CFAP54: variants seen among roughly 807,000 people sequenced by gnomAD.
CFAP54 encodes the protein cilia and flagella associated protein 54, also known as cilia- and flagella-associated protein 54.
A neutral mutation model predicts 370.4 loss-of-function variants in CFAP54; 290 were observed. That is an observed-to-expected ratio of 0.78 (90% CI 0.71 to 0.86). The LOEUF (loss-of-function observed/expected upper bound fraction) is 0.86. CFAP54 is among the 40% of genes least tolerant of loss of function. The pLI is 0.00. For synonymous variants in CFAP54, 1,206 were observed against 1,236.5 expected (o/e 0.98, Z 0.52); for missense variants, 3,399 against 3,528.7 (o/e 0.96, Z 0.93).
At chr12:96,769,412 G>C (rs1958434310) in intron 60 of CFAP54, among the ~76,000 whole-genome samples, 1 of 152,200 alleles carries the variant, frequency 6.6e-6, no homozygotes, top group Non-Finnish European at 1.5e-5. Flanking sequence ...CCCATGCTGA[G>C]GTCGGAGGGG....
At position 96,657,908 on chromosome 12, in the gene CFAP54, T is replaced by G. The variant is rs781023350; in HGVS notation, c.5127T>G (p.Ser1709Arg). 6.2e-7 allele frequency: 1 copy of G among 1,612,582 alleles called. No individual in the cohort carries two copies. Among genetic ancestry groups the G allele is most frequent in the South Asian group, 1.1e-5 (1 of 90,706 alleles). The change falls in exon 37 of 68, where the codon AGT becomes AGG. Residue 1709 changes from serine (S) to arginine (R), a missense_variant. This residue lies in a region of CFAP54 where 2,796 missense variants were observed against 2,869.7 expected (regional missense o/e 0.97). Transcript: ENST00000524981. ...CTATTGAAGACAAAGGAGAATTCAG[T>G]GTTCCAAGCTGTTATGGGAATATTA... is the stretch of plus-strand genomic sequence containing the variant. ...IKPIEDKGEF[S>R]VPSCYGNIKN...
chr12:96,554,436 C>G, intron 16 of CFAP54, 126 bp downstream of exon 16: 4 of 1,232,234 alleles, frequency 3.2e-6, no homozygotes, highest in Non-Finnish European at 4.3e-6. Flanking sequence ...AAATATATTT[C>G]CCTCTTCCCA....
At chr12:96,565,560 G>T (rs547319637) in intron 19 of CFAP54, among the ~76,000 whole-genome samples, 1 of 152,228 alleles carries the variant, frequency 6.6e-6, no homozygotes, top group Admixed American at 6.5e-5. Context: ...GGGGTTTAAT[G>T]AGAAAATTTA....
intron 54 of CFAP54, 28 bp from the exon 55 acceptor site, chr12:96,743,992 C>T (rs1958082938): frequency 1.2e-6 from 2 of 1,604,488 alleles, no homozygotes; most frequent in South Asian, 2.3e-5. Flanking sequence ...CAACTAATTG[C>T]TCATTACAAT....
chr12:96,751,269 G>C (rs1023246399), intron 55 of CFAP54, among the ~76,000 whole-genome samples: 2 of 152,266 alleles, frequency 1.3e-5, no homozygotes, highest in African/African-American at 4.8e-5. Flanking sequence ...GTGCTGGGAA[G>C]TGGGGACATA....
At chr12:96,586,439 T>G (rs1956076701) in intron 22 of CFAP54, among the ~76,000 whole-genome samples, 1 of 151,842 alleles carries the variant, frequency 6.6e-6, no homozygotes. Context: ...GAATTGGAAA[T>G]GTGAAGTAGG....
At chr12:96,859,714 A>C (rs961779254) in intron 66 of CFAP54, among the ~76,000 whole-genome samples, 4 of 152,162 alleles carry the variant, frequency 2.6e-5, no homozygotes, top group African/African-American at 9.7e-5. Flanking sequence ...CCCAGGATGC[A>C]CACTCTTAAC....
intron 36 of CFAP54, 77 bp downstream of exon 36, chr12:96,651,892 C>A (rs1565929346): frequency 2.4e-6 from 2 of 849,620 alleles, no homozygotes; most frequent in Admixed American, 3.7e-5. Flanking sequence ...TAAGTAGAAA[C>A]TGTTTTTTTT....
At chr12:96,790,994 G>A (rs1293972589) in intron 62 of CFAP54, among the ~76,000 whole-genome samples, 1 of 152,106 alleles carries the variant, frequency 6.6e-6, no homozygotes, top group Non-Finnish European at 1.5e-5. Flanking sequence ...TAATGGGAGG[G>A]ACAAAGCCTT....
intron 65 of CFAP54, among the ~76,000 whole-genome samples, chr12:96,825,122 G>A (rs1290387646): frequency 1.4e-5 from 2 of 147,318 alleles, no homozygotes; most frequent in Non-Finnish European, 1.5e-5. Context: ...CAATTCTTAT[G>A]ACCCTTCCTC....
Position 96,786,839 on chromosome 12 carries a change from CTTT to C in CFAP54, c.8621_8623del (p.Leu2874_Cys2875delinsArg), listed in dbSNP as rs1294547695. On this transcript the variant is annotated inframe_deletion, in exon 62 of 68. Transcript: ENST00000524981. ...TATTGATGAATTTCCAAAAGAACTT[CTTT>C]GTCAACTGGAAAATCCCCCTCTTTC... is the stretch of plus-strand genomic sequence containing the variant. 3 of 1,535,572 alleles carry C rather than the reference CTTT, an allele frequency of 2.0e-6. No homozygotes were observed. Among genetic ancestry groups the C allele is most frequent in the East Asian group, 2.4e-5 (1 of 40,900 alleles).
chr12:96,834,980 C>T (rs1018821214), intron 66 of CFAP54, among the ~76,000 whole-genome samples: 8 of 152,132 alleles, frequency 5.3e-5, no homozygotes, highest in African/African-American at 1.9e-4. Flanking sequence ...TAGCTCCTAG[C>T]AGAGAGGAGA....
intron 50 of CFAP54, among the ~76,000 whole-genome samples, chr12:96,723,289 T>A (rs369044685): frequency 6.6e-6 from 1 of 152,022 alleles, no homozygotes; most frequent in South Asian, 2.1e-4. Context: ...TATAAATAGA[T>A]GGAAGAGAGA....
chr12:96,655,204 C>A (rs1404911296), intron 36 of CFAP54, among the ~76,000 whole-genome samples: 1 of 148,870 alleles, frequency 6.7e-6, no homozygotes, highest in Non-Finnish European at 1.5e-5. Context: ...TTTTTTTCCA[C>A]CAAAGGATTC....
chr12:96,563,877 T>G (rs1270413627), intron 17 of CFAP54, among the ~76,000 whole-genome samples: 1 of 152,210 alleles, frequency 6.6e-6, no homozygotes, highest in Non-Finnish European at 1.5e-5. Flanking sequence ...AGTTGTATCC[T>G]TTTTTCCCCT....
At chr12:96,830,625 T>G (rs1959167772) in intron 66 of CFAP54, among the ~76,000 whole-genome samples, 1 of 152,132 alleles carries the variant, frequency 6.6e-6, no homozygotes, top group Non-Finnish European at 1.5e-5. Flanking sequence ...CTCCTATCAA[T>G]AGTAGATGAG....
intron 60 of CFAP54, among the ~76,000 whole-genome samples, chr12:96,767,435 C>T (rs573390278): frequency 4.6e-5 from 7 of 152,270 alleles, no homozygotes; most frequent in East Asian, 1.9e-4. Context: ...TTTCTTGTTC[C>T]GTGTCAGTGG....
At chr12:96,713,786 C>T (rs950620239) in intron 48 of CFAP54, among the ~76,000 whole-genome samples, 1 of 151,768 alleles carries the variant, frequency 6.6e-6, no homozygotes, top group Non-Finnish European at 1.5e-5. Context: ...GGGAATGAGA[C>T]GTGAGTTTCT....
At chr12:96,800,925 G>T (rs1958812964) in intron 63 of CFAP54, among the ~76,000 whole-genome samples, 1 of 152,176 alleles carries the variant, frequency 6.6e-6, no homozygotes, top group African/African-American at 2.4e-5. Context: ...GCACATCTGA[G>T]CATGGTGCCA....
Sources: allele counts gnomAD v4.1 joint callset (sites outside exome capture counted in the v4.1 genomes callset), GRCh38; gene constraint gnomAD v4.1.1; regional missense constraint gnomAD v4.1.1; transcripts MANE v1.5; gene names NCBI Gene and HGNC (gene_info 2026-07-23, HGNC 2026-07-21).